TRIM44: variants seen among roughly 807,000 people sequenced by gnomAD.
The protein encoded by TRIM44 is tripartite motif containing 44.
A neutral mutation model predicts 37.4 loss-of-function variants in TRIM44; 13 were observed. The ratio of observed to expected loss-of-function variants is 0.35; its 90% CI spans 0.23 to 0.55. TRIM44 has a LOEUF of 0.55. Ranked by LOEUF, TRIM44 falls within the 20% of genes least tolerant of loss-of-function variation. The pLI, the probability that TRIM44 is intolerant of heterozygous loss-of-function variation, is 0.89. For missense variants in TRIM44, 426 were observed against 437.2 expected, an observed-to-expected ratio of 0.97 and a Z score of 0.23; for synonymous variants, 175 against 157.2, an observed-to-expected ratio of 1.11 and a Z score of -0.85.
chr11:35,665,164 G>A (rs920830020), intron 1 of TRIM44, among the ~76,000 whole-genome samples: 1 of 151,218 alleles, frequency 6.6e-6, no homozygotes, highest in African/African-American at 2.4e-5. Context: ...TGGGAGCGTC[G>A]GGCTGTTACA....
chr11:35,712,382 C>G (rs747887710), intron 2 of TRIM44, among the ~76,000 whole-genome samples: 8 of 152,074 alleles, frequency 5.3e-5, no homozygotes, highest in Non-Finnish European at 1.0e-4. Flanking sequence ...GAAATATATT[C>G]CCACTTTAAA....
chr11:35,663,264 G>T lies in TRIM44; in HGVS notation c.153G>T (p.Lys51Asn). ...GCCATGCCGAGGCGCACAGGCAGAA[G>T]TTCCTCAGTCACCATCTGGCCGAAT... ...CRRHAEAHRQ[K>N]FLSHHLAEYV... Residue 51 changes from lysine (K) to asparagine (N), a missense_variant, in exon 1 of 5, where the codon AAG (lysine) becomes AAT (asparagine). This residue lies in a region of TRIM44 where 331 missense variants were observed against 303.0 expected (regional missense o/e 1.09). Coordinates refer to ENST00000299413, the MANE Select transcript of TRIM44 (RefSeq NM_017583.6). 6.2e-7 allele frequency: 1 copy of T among 1,612,462 alleles called. No homozygotes were observed. The highest frequency in any genetic ancestry group is 8.5e-7 in the Non-Finnish European group (1 of 1,178,630).
intron 4 of TRIM44, among the ~76,000 whole-genome samples, chr11:35,764,662 C>T (rs976057752): frequency 2.6e-5 from 4 of 152,166 alleles, no homozygotes; most frequent in African/African-American, 9.7e-5. Context: ...TCTTTCCCAG[C>T]TTTGCCAGTA....
chr11:35,777,790 C>T (rs914121245), intron 4 of TRIM44, among the ~76,000 whole-genome samples: 1 of 152,212 alleles, frequency 6.6e-6, no homozygotes, highest in Non-Finnish European at 1.5e-5. Flanking sequence ...GGCCCCCACT[C>T]TCTTCTGGCT....
intron 4 of TRIM44, among the ~76,000 whole-genome samples, chr11:35,775,311 A>G (rs1419885644): frequency 6.6e-6 from 1 of 152,178 alleles, no homozygotes; most frequent in Non-Finnish European, 1.5e-5. Flanking sequence ...ATTTTTACAC[A>G]TTGATTTTGT....
intron 2 of TRIM44, among the ~76,000 whole-genome samples, chr11:35,718,749 C>T (rs1320095976): frequency 6.6e-6 from 1 of 152,156 alleles, no homozygotes; most frequent in African/African-American, 2.4e-5. Context: ...CCTCTGGCAA[C>T]TGATCTTTTT....
rs368838996 is a variant in TRIM44, at chr11:35,700,252, G to T, written c.747+14916G>T. Among the ~76,000 whole-genome samples the T allele has an allele frequency of 1.1e-4, 16 of 152,266 alleles. No homozygotes were observed. The East Asian group carries it at 3.1e-3, about 29-fold the overall frequency. ...CTTTTATTTCTATGTTCAATTTACT[G>T]ATAAACCAGCAAATACTGCTTTAAA... On this transcript the variant is annotated intron_variant, in intron 2 of 4. Coordinates refer to ENST00000299413, the MANE Select transcript of TRIM44 (RefSeq NM_017583.6).
intron 2 of TRIM44, among the ~76,000 whole-genome samples, chr11:35,686,983 T>C (rs1324449296): frequency 6.6e-6 from 1 of 152,230 alleles, no homozygotes; most frequent in African/African-American, 2.4e-5. Flanking sequence ...CTTTTAATTA[T>C]TTAACAACAC....
At chr11:35,702,428 C>G (rs950480648) in intron 2 of TRIM44, among the ~76,000 whole-genome samples, 1 of 152,220 alleles carries the variant, frequency 6.6e-6, no homozygotes, top group African/African-American at 2.4e-5. Flanking sequence ...GGCTGCCCTC[C>G]TGTTTCTGCG....
At chr11:35,793,629 G>A (rs1329814135) in intron 4 of TRIM44, among the ~76,000 whole-genome samples, 2 of 152,138 alleles carry the variant, frequency 1.3e-5, no homozygotes, top group Non-Finnish European at 2.9e-5. Context: ...CCAAGGCCTT[G>A]GAACATCTTT....
chr11:35,710,764 G>A (rs527335316), intron 2 of TRIM44, among the ~76,000 whole-genome samples: 76 of 152,218 alleles, frequency 5.0e-4, no homozygotes, highest in Middle Eastern at 6.8e-3. Flanking sequence ...TTACAAAAGG[G>A]TAACTTCCCT....
At chr11:35,741,031 G>A (rs936690051) in intron 4 of TRIM44, among the ~76,000 whole-genome samples, 3 of 151,990 alleles carry the variant, frequency 2.0e-5, no homozygotes, top group Admixed American at 6.6e-5. Context: ...TTAGTGATAC[G>A]CTTAGGTTTC....
intron 4 of TRIM44, among the ~76,000 whole-genome samples, chr11:35,770,073 G>A (rs1442916978): frequency 6.6e-6 from 1 of 152,096 alleles, no homozygotes; most frequent in African/African-American, 2.4e-5. Context: ...TCCCCGTCTA[G>A]TAGTCCCTAG....
chr11:35,686,926 G>A (rs635889), intron 2 of TRIM44, among the ~76,000 whole-genome samples: 63,294 of 151,956 alleles, frequency 0.42, 14,382 homozygotes, highest in African/African-American at 0.59. Flanking sequence ...ACTGAAATTC[G>A]GTACCCATTA....
chr11:35,750,845 A>G (rs987688824), intron 4 of TRIM44, among the ~76,000 whole-genome samples: 4 of 152,198 alleles, frequency 2.6e-5, no homozygotes, highest in African/African-American at 9.6e-5. Context: ...TTAAAAGTGT[A>G]GCTATCAGGG....
chr11:35,707,583 G>A (rs572874788), intron 2 of TRIM44, among the ~76,000 whole-genome samples: 107 of 148,752 alleles, frequency 7.2e-4, no homozygotes, highest in African/African-American at 2.5e-3. Context: ...CATTGGAACA[G>A]AAAAGAGCCC....
At position 35,663,599 on chromosome 11, in the gene TRIM44, T is replaced by G. The variant is rs1239504662; in HGVS notation, c.488T>G (p.Phe163Cys). 1 of 1,613,822 alleles carries G rather than the reference T, an allele frequency of 6.2e-7. No homozygotes were observed. Among genetic ancestry groups the G allele is most frequent in the Non-Finnish European group, 8.5e-7 (1 of 1,180,004 alleles). The change falls in exon 1 of 5, where the codon TTT becomes TGT. Residue 163 changes from phenylalanine to cysteine, a missense_variant. Physicochemically the swap from Phe to Cys is radical, Grantham distance 205. Around this residue, in one of 2 missense-constraint regions of TRIM44, gnomAD observed 331 missense variants for 303.0 expected, o/e 1.09. Coordinates refer to ENST00000299413, the MANE Select transcript of TRIM44 (RefSeq NM_017583.6). ...AEGETEAESEFDPEIEMEAER... is the reference protein window; with the variant it reads ...AEGETEAESECDPEIEMEAER... ...GGAGAAACTGAGGCAGAAAGTGAAT[T>G]TGACCCAGAAATAGAAATGGAAGCA... is the stretch of plus-strand genomic sequence containing the variant.
intron 2 of TRIM44, among the ~76,000 whole-genome samples, chr11:35,699,404 C>G (rs1015888026): frequency 1.3e-5 from 2 of 152,094 alleles, no homozygotes; most frequent in African/African-American, 2.4e-5. Context: ...ATTCAACAAC[C>G]CTTCATGCTG....
At chr11:35,724,445 C>T (rs1205276411) in intron 2 of TRIM44, 2 of 152,210 alleles carry the variant, frequency 1.3e-5, no homozygotes, top group African/African-American at 4.8e-5. Flanking sequence ...TCTTCCAGTT[C>T]TAAAATCCTC....
Sources: allele counts gnomAD v4.1 joint callset (sites outside exome capture counted in the v4.1 genomes callset), GRCh38; gene constraint gnomAD v4.1.1; regional missense constraint gnomAD v4.1.1; transcripts MANE v1.5; gene names NCBI Gene and HGNC (gene_info 2026-07-23, HGNC 2026-07-21).